The following ZNF618 variants were observed in gnomAD, a reference collection of about 807,000 sequenced individuals.
ZNF618 encodes the protein neural precursor cell expressed, developmentally down-regulated 10.
A neutral mutation model predicts 103.0 loss-of-function variants in ZNF618; 34 were observed. The observed-to-expected ratio is 0.33, with a 90% CI of 0.25 to 0.44. ZNF618 has a LOEUF of 0.44. Among genes scored for constraint, ZNF618 ranks in the 20% least tolerant of loss-of-function variants. The probability of loss-of-function intolerance (pLI) is 1.00; values close to 1 mark genes in which losing one functional copy is unlikely to be tolerated. For missense variants in ZNF618, 1,059 were observed against 1,295.4 expected (o/e 0.82, Z 2.80); for synonymous variants, 551 against 542.2 (o/e 1.02, Z -0.23).
At chr9:114,047,336 A>G (rs572461609) in intron 13 of ZNF618, among the ~76,000 whole-genome samples, 15 of 152,144 alleles carry the variant, frequency 9.9e-5, no homozygotes, top group African/African-American at 3.6e-4. Flanking sequence ...TTCAGTTTCC[A>G]TGTCTTACAG....
At chr9:113,891,385 A>G (rs1242461107) in intron 1 of ZNF618, among the ~76,000 whole-genome samples, 1 of 152,230 alleles carries the variant, frequency 6.6e-6, no homozygotes, top group Non-Finnish European at 1.5e-5. Context: ...GCCAGTAAGC[A>G]TATGAAGAGA....
At chr9:113,911,077 G>C (rs1480658094) in intron 1 of ZNF618, among the ~76,000 whole-genome samples, 1 of 152,108 alleles carries the variant, frequency 6.6e-6, no homozygotes, top group East Asian at 1.9e-4. Context: ...CAAGTGATCC[G>C]CCTGCCTTGG....
intron 1 of ZNF618, among the ~76,000 whole-genome samples, chr9:113,919,366 C>T (rs1199490418): frequency 2.0e-5 from 3 of 152,166 alleles, no homozygotes; most frequent in Non-Finnish European, 4.4e-5. Flanking sequence ...GCACAGGCCT[C>T]GCTTGAATAT....
At chr9:113,954,688 A>T (rs966794860) in intron 1 of ZNF618, among the ~76,000 whole-genome samples, 4 of 152,224 alleles carry the variant, frequency 2.6e-5, no homozygotes, top group Admixed American at 2.0e-4. Flanking sequence ...GTTTGACCTC[A>T]GTTCCATGCC....
intron 3 of ZNF618, among the ~76,000 whole-genome samples, chr9:113,994,694 G>A (rs77540469): frequency 0.015 from 2,219 of 152,278 alleles, 53 homozygotes; most frequent in African/African-American, 0.05. Context: ...GACAAAAAAC[G>A]TAAAACCAGT....
intron 1 of ZNF618, among the ~76,000 whole-genome samples, chr9:113,915,379 G>A (rs986174891): frequency 6.6e-6 from 1 of 152,170 alleles, no homozygotes; most frequent in Non-Finnish European, 1.5e-5. Flanking sequence ...GAGAAGTCAG[G>A]CCGTTGGTTC....
chr9:113,904,649 C>T (rs1209328446), intron 1 of ZNF618, among the ~76,000 whole-genome samples: 1 of 152,214 alleles, frequency 6.6e-6, no homozygotes, highest in East Asian at 1.9e-4. Flanking sequence ...TTCTGGAGAT[C>T]AGAAATCTGA....
At chr9:114,029,969 G>A (rs774769685) in intron 11 of ZNF618, among the ~76,000 whole-genome samples, 2 of 152,222 alleles carry the variant, frequency 1.3e-5, no homozygotes, top group Non-Finnish European at 1.5e-5. Context: ...GCCACCTGCC[G>A]GGACTTGTGG....
intron 12 of ZNF618, among the ~76,000 whole-genome samples, chr9:114,035,758 C>A (rs796854866): frequency 5.4e-4 from 82 of 152,226 alleles, no homozygotes; most frequent in African/African-American, 2.0e-3. Context: ...TCCCTCTCCT[C>A]CCTTTCCGCA....
chr9:113,922,314 T>A lies in ZNF618; in HGVS notation c.33+45901T>A, dbSNP rs376158710. 1.3e-5 allele frequency among the ~76,000 whole-genome samples: 2 copies of A among 151,324 alleles called. 1 individual carries two copies. The highest frequency in any genetic ancestry group is 1.3e-4 in the Admixed American group (2 of 15,206). On this transcript the variant is annotated intron_variant, in intron 1 of 14. Coordinates refer to ENST00000374126, the MANE Select transcript of ZNF618 (RefSeq NM_001318042.2). ...TGAGAGTTTTGATCTCACTGTGGAG[T>A]GGTTAGGTATGAAATGGAGGGCTGG...
chr9:113,968,599 G>C (rs1257729423), intron 1 of ZNF618, among the ~76,000 whole-genome samples: 1 of 152,122 alleles, frequency 6.6e-6, no homozygotes, highest in African/African-American at 2.4e-5. Flanking sequence ...TATGATTTCT[G>C]AAAATTTCAT....
intron 1 of ZNF618, among the ~76,000 whole-genome samples, chr9:113,917,555 G>C (rs1037793494): frequency 2.6e-5 from 4 of 151,986 alleles, no homozygotes; most frequent in African/African-American, 9.7e-5. Flanking sequence ...TGTCTGGCAA[G>C]CCTTCTCTTA....
At chr9:113,909,875 C>G (rs1831356513) in intron 1 of ZNF618, among the ~76,000 whole-genome samples, 1 of 151,966 alleles carries the variant, frequency 6.6e-6, no homozygotes, top group Non-Finnish European at 1.5e-5. Flanking sequence ...ACCTCTGCCT[C>G]CTGGGTTCAA....
At chr9:113,887,105 A>G (rs1408153346) in intron 1 of ZNF618, among the ~76,000 whole-genome samples, 2 of 151,670 alleles carry the variant, frequency 1.3e-5, no homozygotes, top group Non-Finnish European at 2.9e-5. Context: ...TAGTAGAGGA[A>G]GTGGAACCCC....
intron 1 of ZNF618, among the ~76,000 whole-genome samples, chr9:113,886,829 C>T (rs1829111022): frequency 6.6e-6 from 1 of 151,236 alleles, no homozygotes; most frequent in African/African-American, 2.4e-5. Context: ...TTAATCCATA[C>T]AAGATTTCAA....
intron 1 of ZNF618, among the ~76,000 whole-genome samples, chr9:113,909,711 T>A (rs1831330913): frequency 6.6e-6 from 1 of 152,016 alleles, no homozygotes; most frequent in Non-Finnish European, 1.5e-5. Context: ...CAGCGCCTCC[T>A]GGCCTCTGGT....
chr9:114,010,139 G>A (rs867360247), intron 9 of ZNF618, among the ~76,000 whole-genome samples: 4 of 151,730 alleles, frequency 2.6e-5, no homozygotes, highest in Admixed American at 6.6e-5. Flanking sequence ...GCGAAACCCC[G>A]TCACTACTAA....
chr9:113,953,251 A>G (rs978423466), intron 1 of ZNF618, among the ~76,000 whole-genome samples: 16 of 152,184 alleles, frequency 1.1e-4, no homozygotes, highest in Non-Finnish European at 1.8e-4. Context: ...ACCCAGGCCT[A>G]TCCTCGGGAG....
At chr9:113,922,477 G>GTTTTT (rs71367740) in intron 1 of ZNF618, among the ~76,000 whole-genome samples, 17 of 132,964 alleles carry the variant, frequency 1.3e-4, no homozygotes, top group South Asian at 2.4e-4. Context: ...GTTTTGGTTT[G>GTTTTT]TTTTTTTTTT....
Sources: allele counts gnomAD v4.1 joint callset (sites outside exome capture counted in the v4.1 genomes callset), GRCh38; gene constraint gnomAD v4.1.1; transcripts MANE v1.5; gene names NCBI Gene and HGNC (gene_info 2026-07-23, HGNC 2026-07-21).